The following PCDHA11 variants were observed in gnomAD, a reference collection of about 807,000 sequenced individuals.
The protein encoded by PCDHA11 is protocadherin alpha 11.
In PCDHA11, 61 loss-of-function variants were observed where a neutral mutation model predicts 70.3. The observed-to-expected ratio is 0.87, with a 90% confidence interval of 0.71 to 1.07. The LOEUF (loss-of-function observed/expected upper bound fraction) is 1.07, where lower values mean the gene tolerates loss of function less well. PCDHA11 is among the 50% of genes least tolerant of loss of function. The pLI is 0.00. For synonymous variants in PCDHA11, 633 were observed against 555.1 expected (o/e 1.14, Z -1.97); for missense variants, 1,324 against 1,237.5 (o/e 1.07, Z -1.05).
At chr5:140,908,704 C>T (rs1241248582) in intron 1 of PCDHA11, among the ~76,000 whole-genome samples, 12 of 152,178 alleles carry the variant, frequency 7.9e-5, no homozygotes, top group African/African-American at 2.9e-4. Context: ...CCTCAAGCAC[C>T]ATTGGATCTG....
chr5:140,949,809 G>A (rs782774481), intron 1 of PCDHA11, among the ~76,000 whole-genome samples: 1 of 151,712 alleles, frequency 6.6e-6, no homozygotes. Flanking sequence ...TACATTATTT[G>A]CTTTCTATTT....
At chr5:140,912,690 A>AG (rs2076029112) in intron 1 of PCDHA11, among the ~76,000 whole-genome samples, 1 of 152,192 alleles carries the variant, frequency 6.6e-6, no homozygotes, top group African/African-American at 2.4e-5. Flanking sequence ...TCCAGGTCTC[A>AG]GGGGGAATGC....
intron 1 of PCDHA11, among the ~76,000 whole-genome samples, chr5:140,893,394 T>TAA (rs2063972728): frequency 6.6e-6 from 1 of 152,198 alleles, no homozygotes; most frequent in South Asian, 2.1e-4. Flanking sequence ...GGCTCATGCC[T>TAA]GTAATCCCAG....
In PCDHA11 at chr5:140,869,463, C is replaced by A. The variant is rs1554163094; in HGVS notation, c.360C>A (p.Asn120Lys). The change falls in exon 1 of 4, where the codon AAC (asparagine) becomes AAA (lysine). Residue 120 changes from asparagine (N) to lysine (K), a missense_variant. Physicochemically the swap from Asn to Lys is moderately conservative, Grantham distance 94. Transcript: ENST00000398640. Reference protein sequence around the residue: ...VDRPLQVFHVNVEVKDINDNP... With the variant: ...VDRPLQVFHVKVEVKDINDNP... ...GGCCGCTGCAGGTTTTCCATGTGAACGTGGAGGTGAAGGACATTAACGACA... is the reference window on the plus strand; with the variant it reads ...GGCCGCTGCAGGTTTTCCATGTGAAAGTGGAGGTGAAGGACATTAACGACA... 2 of 1,614,148 alleles carry A rather than the reference C, an allele frequency of 1.2e-6. No homozygotes were observed. Among genetic ancestry groups the A allele is most frequent in the Admixed American group, 1.7e-5 (1 of 60,024 alleles).
At chr5:140,898,972 C>G (rs1180112967) in intron 1 of PCDHA11, among the ~76,000 whole-genome samples, 2 of 151,980 alleles carry the variant, frequency 1.3e-5, no homozygotes, top group African/African-American at 4.8e-5. Flanking sequence ...GGAGTTCACT[C>G]ATGATTTGGC....
intron 3 of PCDHA11, among the ~76,000 whole-genome samples, chr5:141,004,566 T>C (rs2098171206): frequency 6.6e-6 from 1 of 152,186 alleles, no homozygotes; most frequent in Non-Finnish European, 1.5e-5. Context: ...GATGAACATA[T>C]CTCTGTGTTC....
At chr5:141,003,181 C>T (rs564008062) in intron 3 of PCDHA11, among the ~76,000 whole-genome samples, 8 of 152,328 alleles carry the variant, frequency 5.3e-5, no homozygotes, top group African/African-American at 1.7e-4. Flanking sequence ...AGGCTCAACT[C>T]CATCAACTCA....
intron 1 of PCDHA11, among the ~76,000 whole-genome samples, chr5:140,964,874 A>C (rs1443431100): frequency 6.6e-6 from 1 of 152,178 alleles, no homozygotes; most frequent in East Asian, 1.9e-4. Flanking sequence ...GACAAATAAG[A>C]AGCAGCAGTG....
Position 140,978,929 on chromosome 5 carries a change from C to T in PCDHA11, c.2392-20C>T. 6.2e-7 allele frequency: 1 copy of T among 1,613,998 alleles called. No homozygotes were observed. Among genetic ancestry groups the T allele is most frequent in the Non-Finnish European group, 8.5e-7 (1 of 1,179,996 alleles). On this transcript the variant is annotated intron_variant, in intron 1 of 3. Coordinates refer to ENST00000398640, the MANE Select transcript of PCDHA11 (RefSeq NM_018902.5). ...ATTGTCTTGTCATTTTAACAGAAAACTCTCTTTGTGATTTTGCAGCCACGA... is the reference window on the plus strand; with the variant it reads ...ATTGTCTTGTCATTTTAACAGAAAATTCTCTTTGTGATTTTGCAGCCACGA...
intron 1 of PCDHA11, chr5:140,883,019 G>A (rs1554176509): frequency 1.2e-6 from 2 of 1,613,986 alleles, no homozygotes; most frequent in South Asian, 1.1e-5. Flanking sequence ...TAAAGTGACG[G>A]TGTTAGAGAA....
chr5:140,882,261 AGTGTACCATGCT>A (rs1554173264), intron 1 of PCDHA11: 1 of 1,604,356 alleles, frequency 6.2e-7, no homozygotes, highest in Non-Finnish European at 8.5e-7. Flanking sequence ...AGGTTTTTGG[AGTGTACCATGCT>A]GTCTTCCTGG....
rs782141223 is a variant in PCDHA11, at chr5:140,929,191, AAC to A, written c.2392-49756_2392-49755del. On this transcript the variant is annotated intron_variant, in intron 1 of 3. Transcript: ENST00000398640. ...CTCTCTGGGACTTGGTTCTGATAAT[AAC>A]AGTTTGCTGTTGCGTGGGGAGTACA... is the stretch of plus-strand genomic sequence containing the variant. 3.1e-6 allele frequency: 5 copies of A among 1,614,000 alleles called. No homozygotes were observed. In the African/African-American group the frequency reaches 6.7e-5, roughly 22 times the overall value.
Position 140,870,641 on chromosome 5 carries a change from G to C in PCDHA11, c.1538G>C (p.Ser513Thr). ...LSSYVSVHAE[S>T]GKVYALQPLD... Reference sequence around the variant, plus strand: ...AGCTACGTGTCGGTGCACGCGGAGAGCGGCAAGGTGTACGCGCTGCAGCCG... The same window carrying C: ...AGCTACGTGTCGGTGCACGCGGAGACCGGCAAGGTGTACGCGCTGCAGCCG... Residue 513 changes from serine (S) to threonine (T), a missense_variant, in exon 1 of 4, where the codon AGC becomes ACC. Physicochemically the swap from Ser to Thr is moderately conservative, Grantham distance 58. Transcript: ENST00000398640. The C allele has an allele frequency of 6.2e-7, 1 of 1,612,818 alleles. No individual in the cohort carries two copies. The highest frequency in any genetic ancestry group is 1.1e-5 in the South Asian group (1 of 91,034).
At chr5:140,966,709 G>A (rs1447935100) in intron 1 of PCDHA11, 4 of 1,387,174 alleles carry the variant, frequency 2.9e-6, no homozygotes, top group Non-Finnish European at 2.8e-6. Flanking sequence ...CGTGGGGCAC[G>A]GCTGGGGAAG....
intron 1 of PCDHA11, among the ~76,000 whole-genome samples, chr5:140,942,479 A>G (rs1341688235): frequency 6.6e-6 from 1 of 152,154 alleles, no homozygotes; most frequent in East Asian, 1.9e-4. Flanking sequence ...TTCAAGCTAC[A>G]ACTGAAATAA....
chr5:140,998,805 C>T (rs1226450562), intron 3 of PCDHA11, among the ~76,000 whole-genome samples: 1 of 152,204 alleles, frequency 6.6e-6, no homozygotes, highest in Admixed American at 6.5e-5. Flanking sequence ...CTCAGGTGAT[C>T]TGCCTGCCTT....
chr5:140,969,587 T>G, intron 1 of PCDHA11: 1 of 850,882 alleles, frequency 1.2e-6, no homozygotes, highest in Non-Finnish European at 1.8e-6. Context: ...AGGATTAGTC[T>G]TAATATTTAA....
chr5:140,964,251 T>A (rs2095820730), intron 1 of PCDHA11, among the ~76,000 whole-genome samples: 2 of 152,330 alleles, frequency 1.3e-5, no homozygotes, highest in Non-Finnish European at 1.5e-5. Flanking sequence ...TGGCTTTATA[T>A]TTGACTCCTT....
At chr5:140,970,862 T>C (rs2153787404) in intron 1 of PCDHA11, among the ~76,000 whole-genome samples, 1 of 152,312 alleles carries the variant, frequency 6.6e-6, no homozygotes, top group South Asian at 2.1e-4. Flanking sequence ...GTTCCATTCC[T>C]GATTGAGAGT....
Sources: allele counts gnomAD v4.1 joint callset (sites outside exome capture counted in the v4.1 genomes callset), GRCh38; gene constraint gnomAD v4.1.1; transcripts MANE v1.5; gene names NCBI Gene and HGNC (gene_info 2026-07-23, HGNC 2026-07-21).